THSD7A: variants seen among roughly 807,000 people sequenced by gnomAD.
THSD7A encodes the protein thrombospondin type 1 domain containing 7A.
In THSD7A, 96 loss-of-function variants were observed where a neutral mutation model predicts 231.3. That is an observed-to-expected ratio of 0.41 (90% CI 0.35 to 0.49). The LOEUF (loss-of-function observed/expected upper bound fraction) is 0.49, where lower values mean the gene tolerates loss of function less well. Among genes scored for constraint, THSD7A ranks in the 20% least tolerant of loss-of-function variants. The pLI, the probability that THSD7A is intolerant of heterozygous loss-of-function variation, is 0.05. For missense variants in THSD7A, 2,290 were observed against 2,070.2 expected, an observed-to-expected ratio of 1.11 and a Z score of -2.06; for synonymous variants, 940 against 743.3, an observed-to-expected ratio of 1.26 and a Z score of -4.30.
At position 11,533,612 on chromosome 7, in the gene THSD7A, C is replaced by A. The variant is rs188028057; in HGVS notation, c.1822+7807G>T. The stretch of plus-strand genomic sequence containing the variant: ...GCAGGGACATGGATGAAGCTGGAAG[C>A]TATCATCCTTGGCAAATAAACACAG... On this transcript the variant is annotated intron_variant, in intron 6 of 27. Coordinates refer to ENST00000423059, the MANE Select transcript of THSD7A (RefSeq NM_015204.3). 3.9e-5 allele frequency among the ~76,000 whole-genome samples: 6 copies of A among 152,254 alleles called. No individual in the cohort carries two copies. The East Asian group carries it at 1.2e-3, about 29-fold the overall frequency.
intron 2 of THSD7A, among the ~76,000 whole-genome samples, chr7:11,615,500 C>A (rs955132399): frequency 2.0e-5 from 3 of 152,208 alleles, no homozygotes; most frequent in Admixed American, 1.3e-4. Flanking sequence ...TTTAAACTAG[C>A]TGTTGTGCAT....
chr7:11,457,758 G>T (rs539151700), intron 11 of THSD7A, among the ~76,000 whole-genome samples: 1 of 152,108 alleles, frequency 6.6e-6, no homozygotes, highest in East Asian at 1.9e-4. Flanking sequence ...CACATTTAAT[G>T]TTTTTGTTTT....
rs1280950510 is a variant in THSD7A at position 11,396,970 on chromosome 7, G to A, written c.4411+4825C>T. ...GCTTCATCCCTGGGATGCAAGGCGG[G>A]TTCAACATATGTGAATCAATAAACG... On this transcript the variant is annotated intron_variant, in intron 23 of 27. Transcript: ENST00000423059. 2.0e-5 allele frequency among the ~76,000 whole-genome samples: 3 copies of A among 152,102 alleles called. No homozygotes were observed. The East Asian group carries it at 5.8e-4, about 29-fold the overall frequency.
At chr7:11,539,554 C>T (rs1317234658) in intron 6 of THSD7A, among the ~76,000 whole-genome samples, 1 of 152,180 alleles carries the variant, frequency 6.6e-6, no homozygotes, top group Non-Finnish European at 1.5e-5. Context: ...ATTGCCAGTA[C>T]AACTACACAC....
intron 1 of THSD7A, among the ~76,000 whole-genome samples, chr7:11,718,097 G>A (rs1463538052): frequency 1.3e-5 from 2 of 151,632 alleles, no homozygotes; most frequent in African/African-American, 4.8e-5. Flanking sequence ...CTCTGGACCA[G>A]ACCCTAAACA....
chr7:11,812,092 G>A (rs1243641605), intron 1 of THSD7A, among the ~76,000 whole-genome samples: 1 of 148,006 alleles, frequency 6.8e-6, no homozygotes, highest in Non-Finnish European at 1.5e-5. Context: ...CTATAAAGGA[G>A]AAGAAAAGAA....
chr7:11,735,969 G>C (rs1418400830), intron 1 of THSD7A, among the ~76,000 whole-genome samples: 1 of 151,768 alleles, frequency 6.6e-6, no homozygotes, highest in Non-Finnish European at 1.5e-5. Context: ...TTTACTTCTA[G>C]TGTTATATTA....
At chr7:11,410,352 T>C (rs1477122926) in intron 19 of THSD7A, 1 of 152,220 alleles carries the variant, frequency 6.6e-6, no homozygotes, top group Non-Finnish European at 1.5e-5. Context: ...TACTGTGGGC[T>C]ATAATAACCC....
chr7:11,797,149 A>G (rs1784147420), intron 1 of THSD7A, among the ~76,000 whole-genome samples: 1 of 152,154 alleles, frequency 6.6e-6, no homozygotes. Context: ...ATATGTGTAT[A>G]TCCCCCAAAT....
intron 1 of THSD7A, among the ~76,000 whole-genome samples, chr7:11,643,611 A>G (rs1445122697): frequency 2.0e-5 from 3 of 151,530 alleles, no homozygotes; most frequent in Non-Finnish European, 4.4e-5. Flanking sequence ...GCGCACACAC[A>G]CACACACACA....
intron 1 of THSD7A, among the ~76,000 whole-genome samples, chr7:11,641,767 T>TAAA (rs1782090198): frequency 5.0e-5 from 6 of 120,662 alleles, no homozygotes; most frequent in Non-Finnish European, 1.0e-4. Flanking sequence ...TAAAATAAAA[T>TAAA]ATAATATAAT....
intron 2 of THSD7A, among the ~76,000 whole-genome samples, chr7:11,595,790 T>C (rs1024099590): frequency 6.6e-6 from 1 of 152,132 alleles, no homozygotes; most frequent in African/African-American, 2.4e-5. Context: ...TTAAATACAA[T>C]GAGAATAATT....
intron 4 of THSD7A, among the ~76,000 whole-genome samples, chr7:11,578,076 A>G (rs1271075428): frequency 6.6e-6 from 1 of 152,220 alleles, no homozygotes; most frequent in African/African-American, 2.4e-5. Flanking sequence ...CATACTGTAA[A>G]GAGACAGTAT....
intron 4 of THSD7A, among the ~76,000 whole-genome samples, chr7:11,572,206 C>T (rs1261787013): frequency 6.6e-6 from 1 of 151,932 alleles, no homozygotes; most frequent in Non-Finnish European, 1.5e-5. Context: ...AGGCATGAGT[C>T]CCACCTTGTG....
chr7:11,507,603 T>TG (rs1562667459), intron 6 of THSD7A, among the ~76,000 whole-genome samples: 7 of 122,598 alleles, frequency 5.7e-5, no homozygotes, highest in South Asian at 2.9e-4. Flanking sequence ...TAATGTGTGT[T>TG]TTTTTTTTTT....
intron 1 of THSD7A, among the ~76,000 whole-genome samples, chr7:11,769,730 G>A (rs975122557): frequency 6.6e-6 from 1 of 152,002 alleles, no homozygotes; most frequent in South Asian, 2.1e-4. Flanking sequence ...TTTATATCCA[G>A]TTTATTTTCA....
At chr7:11,616,857 G>A (rs367807941) in intron 2 of THSD7A, among the ~76,000 whole-genome samples, 4 of 152,226 alleles carry the variant, frequency 2.6e-5, no homozygotes, top group Non-Finnish European at 4.4e-5. Flanking sequence ...TTACTAAATC[G>A]TAACTGTGAG....
At chr7:11,766,238 T>C (rs1289457394) in intron 1 of THSD7A, among the ~76,000 whole-genome samples, 2 of 152,198 alleles carry the variant, frequency 1.3e-5, no homozygotes, top group African/African-American at 2.4e-5. Flanking sequence ...GTTAGATAAA[T>C]TGACCAGTCA....
intron 1 of THSD7A, among the ~76,000 whole-genome samples, chr7:11,744,480 T>C (rs910703671): frequency 2.6e-5 from 4 of 152,072 alleles, no homozygotes; most frequent in African/African-American, 9.6e-5. Context: ...TTAGGGTACA[T>C]GTGCACAATG....
Sources: gnomAD v4.1 joint callset for allele counts (sites outside exome capture counted in the v4.1 genomes callset) on GRCh38, gnomAD v4.1.1 for gene constraint, MANE v1.5 for transcripts, NCBI Gene and HGNC (gene_info 2026-07-23, HGNC 2026-07-21) for gene names.